The following LRRIQ1 variants were observed in gnomAD, a reference collection of about 807,000 sequenced individuals.
LRRIQ1 encodes the protein leucine rich repeats and IQ motif containing 1.
In LRRIQ1, 210 loss-of-function variants were observed where a neutral mutation model predicts 211.9. That is an observed-to-expected ratio of 0.99 (90% CI 0.89 to 1.11). The LOEUF is 1.11. Among genes scored for constraint, LRRIQ1 ranks in the 50% most tolerant of loss-of-function variants. The pLI is 0.00. For synonymous variants in LRRIQ1, 699 were observed against 650.1 expected (o/e 1.08, Z -1.14); for missense variants, 2,136 against 1,939.5 (o/e 1.10, Z -1.90).
chr12:85,131,173 A>G (rs1457330819), intron 18 of LRRIQ1, among the ~76,000 whole-genome samples: 1 of 151,488 alleles, frequency 6.6e-6, no homozygotes, highest in Non-Finnish European at 1.5e-5. Flanking sequence ...AGATCACACC[A>G]CTGCACTCCA....
Position 85,055,549 on chromosome 12 carries a change from GTA to G in LRRIQ1, c.760_761del (p.Ile254Ter). On this transcript the variant is annotated frameshift_variant, in exon 8 of 27. Transcript: ENST00000393217. LOFTEE classifies it high-confidence loss of function. ...CCATGTATCTTACTTTGTTTTAGGA[GTA>G]TATTAGAAACTTGCATTTACAAATG... ...WKEKFKQHEE[Y>X]IRNLHLQMEE... The G allele has an allele frequency of 1.3e-6, 2 of 1,512,588 alleles. No individual in the cohort carries two copies. Among genetic ancestry groups the G allele is most frequent in the Non-Finnish European group, 1.8e-6 (2 of 1,135,834 alleles). The allele number at this position is 1,512,588 out of a possible 1,614,324, so 93.7% of individuals were successfully genotyped here.
chr12:85,230,638 C>A (rs1894887989), intron 25 of LRRIQ1, among the ~76,000 whole-genome samples: 1 of 152,054 alleles, frequency 6.6e-6, no homozygotes, highest in Non-Finnish European at 1.5e-5. Context: ...GCATCCTGAA[C>A]CAAAGATTTA....
intron 3 of LRRIQ1, among the ~76,000 whole-genome samples, chr12:85,042,921 T>C (rs1047707835): frequency 6.6e-6 from 1 of 152,106 alleles, no homozygotes; most frequent in Non-Finnish European, 1.5e-5. Flanking sequence ...GTTGCACTTA[T>C]GAATATAGAT....
chr12:85,226,184 G>A (rs2137158240), intron 24 of LRRIQ1, among the ~76,000 whole-genome samples: 1 of 152,290 alleles, frequency 6.6e-6, no homozygotes, highest in African/African-American at 2.4e-5. Context: ...TTTCCAAAAT[G>A]AGTACTTTAA....
chr12:85,099,611 T>C (rs142007111), intron 13 of LRRIQ1, among the ~76,000 whole-genome samples: 1 of 152,004 alleles, frequency 6.6e-6, no homozygotes, highest in African/African-American at 2.4e-5. Flanking sequence ...TCTCCTCTGC[T>C]TAATATTTCA....
intron 24 of LRRIQ1, among the ~76,000 whole-genome samples, chr12:85,179,585 C>T (rs1891880329): frequency 6.6e-6 from 1 of 151,902 alleles, no homozygotes; most frequent in African/African-American, 2.4e-5. Context: ...ACTTTCCTCC[C>T]CATCTCCTGA....
chr12:85,223,902 G>A (rs977533671), intron 24 of LRRIQ1, among the ~76,000 whole-genome samples: 1 of 151,794 alleles, frequency 6.6e-6, no homozygotes, highest in African/African-American at 2.4e-5. Context: ...TATAAATTAA[G>A]ACCATAATTA....
At chr12:85,111,248 C>T (rs1041908577) in intron 15 of LRRIQ1, among the ~76,000 whole-genome samples, 6 of 152,040 alleles carry the variant, frequency 3.9e-5, no homozygotes, top group Admixed American at 2.0e-4. Context: ...GGAAAGGGAC[C>T]GACCATAGGG....
At chr12:85,220,041 C>G (rs1030003712) in intron 24 of LRRIQ1, among the ~76,000 whole-genome samples, 1 of 152,082 alleles carries the variant, frequency 6.6e-6, no homozygotes, top group Non-Finnish European at 1.5e-5. Flanking sequence ...TAAACACATA[C>G]AGACCACTTT....
intron 18 of LRRIQ1, among the ~76,000 whole-genome samples, chr12:85,129,870 C>T (rs1888631990): frequency 1.3e-5 from 2 of 152,190 alleles, no homozygotes; most frequent in Non-Finnish European, 2.9e-5. Flanking sequence ...AAAGCCAAAT[C>T]AGTTAGCATC....
chr12:85,098,509 G>T lies in LRRIQ1; in HGVS notation c.3042G>T (p.Leu1014Phe), dbSNP rs202069982. 1.9e-6 allele frequency: 3 copies of T among 1,609,784 alleles called. No individual in the cohort carries two copies. In the East Asian group the frequency reaches 6.7e-5, roughly 36 times the overall value. The part of the protein sequence containing the change: ...TDVEGVENCG[L>F]LQILKLQGNY... ...TAGAGGGCGTTGAAAATTGTGGATT[G>T]CTCCAAATATTGAAGTTACAGGGAA... The change falls in exon 12 of 27, where the codon TTG (leucine) becomes TTT (phenylalanine). Residue 1014 changes from leucine (L) to phenylalanine (F), a missense_variant. Transcript: ENST00000393217.
At chr12:85,236,158 G>A (rs1016626778) in intron 26 of LRRIQ1, among the ~76,000 whole-genome samples, 10 of 152,104 alleles carry the variant, frequency 6.6e-5, no homozygotes, top group Non-Finnish European at 1.3e-4. Flanking sequence ...AGGTAAAGCT[G>A]TAAAACAGGT....
At chr12:85,203,119 C>A (rs1438988041) in intron 24 of LRRIQ1, among the ~76,000 whole-genome samples, 1 of 152,076 alleles carries the variant, frequency 6.6e-6, no homozygotes, top group Admixed American at 6.5e-5. Flanking sequence ...ATAGTGTTCT[C>A]GTGGTAGTGA....
intron 18 of LRRIQ1, among the ~76,000 whole-genome samples, chr12:85,129,937 G>A (rs759247039): frequency 3.9e-5 from 6 of 152,136 alleles, no homozygotes; most frequent in East Asian, 1.9e-4. Flanking sequence ...TATCAGCAGC[G>A]GAGGTGGTAA....
At chr12:85,125,771 T>C (rs1565852336) in intron 17 of LRRIQ1, among the ~76,000 whole-genome samples, 1 of 152,202 alleles carries the variant, frequency 6.6e-6, no homozygotes, top group Non-Finnish European at 1.5e-5. Context: ...TTGCCTTTGC[T>C]CCAAACACTT....
In LRRIQ1 at chr12:85,168,194, C is replaced by A. The variant is rs183295708; in HGVS notation, c.4822+7480C>A. On this transcript the variant is annotated intron_variant, in intron 24 of 26. Transcript: ENST00000393217. Reference sequence around the variant, plus strand: ...TTTTTATCTGGAGGAGTGAACCAAACCTTCATTCCTGAAGGGGCTGGGCCA... The same window carrying A: ...TTTTTATCTGGAGGAGTGAACCAAAACTTCATTCCTGAAGGGGCTGGGCCA... Among the ~76,000 whole-genome samples the A allele has an allele frequency of 2.2e-3, 333 of 152,252 alleles. 1 individual carries two copies. Among genetic ancestry groups the A allele is most frequent in the Non-Finnish European group, 3.2e-3 (221 of 68,012 alleles).
At chr12:85,208,183 A>G (rs1479567344) in intron 24 of LRRIQ1, among the ~76,000 whole-genome samples, 1 of 151,998 alleles carries the variant, frequency 6.6e-6, no homozygotes, top group Non-Finnish European at 1.5e-5. Context: ...TAGGTCTTGA[A>G]GTTAGGTAAT....
intron 24 of LRRIQ1, among the ~76,000 whole-genome samples, chr12:85,222,883 A>C (rs1162767501): frequency 6.6e-6 from 1 of 152,100 alleles, no homozygotes; most frequent in Non-Finnish European, 1.5e-5. Context: ...AGGACTGCTC[A>C]CTCACGTTCA....
At chr12:85,239,782 A>AGCCT (rs1305284807) in intron 26 of LRRIQ1, among the ~76,000 whole-genome samples, 1 of 152,016 alleles carries the variant, frequency 6.6e-6, no homozygotes, top group Non-Finnish European at 1.5e-5. Flanking sequence ...GTTTGGGACC[A>AGCCT]GCCTGGTCAA....
Sources: gnomAD v4.1 joint callset for allele counts (sites outside exome capture counted in the v4.1 genomes callset) on GRCh38, gnomAD v4.1.1 for gene constraint, MANE v1.5 for transcripts, NCBI Gene and HGNC (gene_info 2026-07-23, HGNC 2026-07-21) for gene names.